The following FBF1 variants were observed in gnomAD, a reference collection of about 807,000 sequenced individuals.
FBF1 encodes Fas binding factor 1, also known as fas-binding factor 1.
FBF1 carries 119 observed loss-of-function variants against 147.2 expected under a neutral mutation model. The ratio of observed to expected loss-of-function variants is 0.81; its 90% CI spans 0.70 to 0.94. The LOEUF is 0.94. FBF1 is among the 40% of genes least tolerant of loss of function. The pLI, the probability that FBF1 is intolerant of heterozygous loss-of-function variation, is 0.00. For synonymous variants in FBF1, 601 were observed against 609.0 expected, an observed-to-expected ratio of 0.99 and a Z score of 0.19; for missense variants, 1,449 against 1,500.8, an observed-to-expected ratio of 0.97 and a Z score of 0.57.
intron 1 of FBF1, among the ~76,000 whole-genome samples, chr17:75,939,162 G>A (rs2065644048): frequency 6.6e-6 from 1 of 151,870 alleles, no homozygotes; most frequent in Non-Finnish European, 1.5e-5. Flanking sequence ...TGGGCATGGT[G>A]GCATATGCCT....
chr17:75,911,840 C>T (rs1201920543), intron 29 of FBF1, among the ~76,000 whole-genome samples: 3 of 151,952 alleles, frequency 2.0e-5, no homozygotes, highest in East Asian at 1.9e-4. Context: ...TTTGTAGAGA[C>T]GGTGTCTCAA....
In FBF1 at chr17:75,920,021, GATGAGCTCCAGGTCTGC is replaced by G; in HGVS notation, c.1900_1916del (p.Ala634ArgfsTer46). The G allele has an allele frequency of 6.2e-7, 1 of 1,606,006 alleles. No individual in the cohort carries two copies. The stretch of plus-strand genomic sequence containing the variant: ...CGCCAGGGTACCTGTGTGCACTCTC[GATGAGCTCCAGGTCTGC>G]CTGGTGCTGCTGCTGCAGACTCCCC... On this transcript the variant is annotated frameshift_variant, in exon 19 of 30. Transcript: ENST00000636174. LOFTEE classifies it high-confidence loss of function.
chr17:75,928,037 C>A lies in FBF1; in HGVS notation c.397+39G>T. 1 of 1,526,434 alleles carries A rather than the reference C, an allele frequency of 6.6e-7. No individual in the cohort carries two copies. The highest frequency in any genetic ancestry group is 9.0e-7 in the Non-Finnish European group (1 of 1,105,390). 94.6% of individuals were successfully genotyped at this position (1,526,434 alleles called of 1,614,324 possible). A position where few individuals can be genotyped will look rare whatever the true frequency, so the allele number is the denominator to read the frequency against. On this transcript the variant is annotated intron_variant, in intron 8 of 29. Transcript: ENST00000636174. The surrounding 1 kb of genome is among the most constrained non-coding windows in gnomAD (Gnocchi z 4.2). ...AAGTCTCCCTAGCAGATGCGAGGAG[C>A]CGTCTCCCATGCACCTTTCTCACTG...
chr17:75,934,939 C>A (rs2065615217), intron 4 of FBF1, among the ~76,000 whole-genome samples: 1 of 149,744 alleles, frequency 6.7e-6, no homozygotes, highest in Non-Finnish European at 1.5e-5. Context: ...AAAGTGTCCA[C>A]AATAGGCAAA....
rs2065585355 is a variant in FBF1, at chr17:75,930,051, A to T, written c.229-4T>A. 6.4e-7 allele frequency: 1 copy of T among 1,560,428 alleles called. No homozygotes were observed. Among genetic ancestry groups the T allele is most frequent in the African/African-American group, 1.4e-5 (1 of 73,388 alleles). ...CTGCCTCTGAGATACCTGAAACCTA[A>T]GTCCACAATGAGGGTGAGGACACAG... On this transcript the variant is annotated splice_region_variant and splice_polypyrimidine_tract_variant and intron_variant, in intron 6 of 29. Transcript: ENST00000636174.
At chr17:75,932,835 G>A (rs1376834505) in intron 5 of FBF1, among the ~76,000 whole-genome samples, 160 bp downstream of exon 5, 4 of 149,230 alleles carry the variant, frequency 2.7e-5, no homozygotes, top group South Asian at 4.3e-4. Flanking sequence ...GCAGTGAGCC[G>A]AGATGGTGCC....
rs915322184 is a variant in FBF1, at chr17:75,925,887, GTAT to G, written c.868+140_868+142del. 3 of 1,196,896 alleles carry G rather than the reference GTAT, an allele frequency of 2.5e-6. No individual in the cohort carries two copies. In the African/African-American group the frequency reaches 4.6e-5, roughly 18 times the overall value. The allele number at this position is 1,196,896 out of a possible 1,614,324, so 74.1% of individuals were successfully genotyped here. On this transcript the variant is annotated intron_variant, in intron 12 of 29. Transcript: ENST00000636174. The surrounding 1 kb of genome is among the most constrained non-coding windows in gnomAD (Gnocchi z 5.0). ...CACGGTAAGTATTATTTCACGGTAA[GTAT>G]TATTTTGTCTCAGCTATAGACGTGT...
At chr17:75,935,251 G>A (rs566625515) in intron 4 of FBF1, among the ~76,000 whole-genome samples, 1 of 150,476 alleles carries the variant, frequency 6.6e-6, no homozygotes, top group Non-Finnish European at 1.5e-5. Flanking sequence ...TGCAACCTCC[G>A]CCTCCTGGGT....
At chr17:75,938,802 G>A (rs964561264) in intron 1 of FBF1, among the ~76,000 whole-genome samples, 2 of 151,134 alleles carry the variant, frequency 1.3e-5, no homozygotes, top group African/African-American at 4.9e-5. Flanking sequence ...CTAGACGGAG[G>A]TTGCAGTGAG....
intron 28 of FBF1, 94 bp downstream of exon 28, chr17:75,913,608 C>T: frequency 2.1e-6 from 2 of 963,174 alleles, no homozygotes; most frequent in South Asian, 1.8e-5. Context: ...CAGCTGGCCG[C>T]CTTAACTGGA....
At chr17:75,927,084 C>T (rs534215789) in intron 9 of FBF1, among the ~76,000 whole-genome samples, 5 of 152,300 alleles carry the variant, frequency 3.3e-5, no homozygotes, top group African/African-American at 1.2e-4. Flanking sequence ...GGAGGGCGGC[C>T]CTGGACCTAC....
rs1024718195 is a variant in FBF1, at chr17:75,910,872, C to A, written c.3364-66G>T. 17 of 1,397,660 alleles carry A rather than the reference C, an allele frequency of 1.2e-5. No individual in the cohort carries two copies. In the African/African-American group the frequency reaches 2.0e-4, roughly 16 times the overall value. The allele number at this position is 1,397,660 out of a possible 1,614,324, so 86.6% of individuals were successfully genotyped here. Reference sequence around the variant, plus strand: ...TGAGAGGGAGGTGGAGCCCTGGATGCTAGCTGAGCCAGCCGTCACTGAGGC... The same window carrying A: ...TGAGAGGGAGGTGGAGCCCTGGATGATAGCTGAGCCAGCCGTCACTGAGGC... On this transcript the variant is annotated intron_variant, in intron 29 of 29. Coordinates refer to ENST00000636174, the MANE Select transcript of FBF1 (RefSeq NM_001319193.2). The surrounding 1 kb of genome is among the most constrained non-coding windows in gnomAD (Gnocchi z 4.1).
rs1189890154 is a variant in FBF1 at position 75,919,699 on chromosome 17, G to A, written c.2107C>T (p.Gln703Ter). 2 of 1,611,442 alleles carry A rather than the reference G, an allele frequency of 1.2e-6. No individual in the cohort carries two copies. Among genetic ancestry groups the A allele is most frequent in the East Asian group, 4.5e-5 (2 of 44,854 alleles). Residue 703 changes from glutamine (Q) to a stop codon, truncating the protein, a stop_gained, in exon 20 of 30, where the codon CAG (glutamine) becomes TAG (stop). Coordinates refer to ENST00000636174, the MANE Select transcript of FBF1 (RefSeq NM_001319193.2). LOFTEE classifies it high-confidence loss of function. This position sits in a 1 kb window ranked among gnomAD's most constrained non-coding sequence, Gnocchi z 5.0. ...AGCTCCCGGAGCCGCTCCATTTCCTGGTCCTTCTCCTGCGCTATGGCCGCC... is the reference window on the plus strand; with the variant it reads ...AGCTCCCGGAGCCGCTCCATTTCCTAGTCCTTCTCCTGCGCTATGGCCGCC... Reference protein sequence around the residue: ...RLAAIAQEKDQEMERLRELQR... With the variant: ...RLAAIAQEKD
intron 3 of FBF1, among the ~76,000 whole-genome samples, chr17:75,936,272 C>A (rs1254783628): frequency 1.3e-5 from 2 of 152,050 alleles, no homozygotes; most frequent in Non-Finnish European, 2.9e-5. Context: ...CGAGATCGCA[C>A]CACTGCACTC....
intron 6 of FBF1, among the ~76,000 whole-genome samples, chr17:75,930,335 A>C (rs1242368199): frequency 6.6e-6 from 1 of 152,040 alleles, no homozygotes; most frequent in Non-Finnish European, 1.5e-5. Context: ...GCTACTTCCC[A>C]CCCATGCCAA....
rs777247643 is a variant in FBF1 at position 75,929,978 on chromosome 17, G to T, written c.279+19C>A. On this transcript the variant is annotated intron_variant, in intron 7 of 29. Transcript: ENST00000636174. ...CCACCCACCCCCAGTTCTAAGAATC[G>T]TGCAAGCTGTTTCCTTACCTTCATG... The T allele has an allele frequency of 1.5e-6, 1 of 687,576 alleles. No homozygotes were observed. Among genetic ancestry groups the T allele is most frequent in the Non-Finnish European group, 2.1e-6 (1 of 470,562 alleles). 42.6% of individuals were successfully genotyped at this position (687,576 alleles called of 1,614,324 possible).
Position 75,927,656 on chromosome 17 carries a change from G to A in FBF1, c.398-124C>T. On this transcript the variant is annotated intron_variant, in intron 8 of 29. Coordinates refer to ENST00000636174, the MANE Select transcript of FBF1 (RefSeq NM_001319193.2). ...CTTCCTGGGAAGCTGGGGGCTCATG[G>A]CCATGGGCACAGCCAAGGGAGGAGT... 3 of 797,478 alleles carry A rather than the reference G, an allele frequency of 3.8e-6. No homozygotes were observed. The South Asian group carries it at 4.9e-5, about 13-fold the overall frequency. The allele number at this position is 797,478 out of a possible 1,614,324, so 49.4% of individuals were successfully genotyped here.
Position 75,913,688 on chromosome 17 carries a change from C to A in FBF1, c.3247+14G>T, listed in dbSNP as rs749574136. On this transcript the variant is annotated intron_variant, in intron 28 of 29. Transcript: ENST00000636174. ...AGTCCTGAGCCGCCGGCCCTTCCTT[C>A]TGGAGCCACTCACCACTCTGGCTGG... 1.3e-5 allele frequency: 21 copies of A among 1,579,332 alleles called. No individual in the cohort carries two copies. In the South Asian group the frequency reaches 2.4e-4, roughly 18 times the overall value.
At chr17:75,930,306 C>G (rs567462360) in intron 6 of FBF1, among the ~76,000 whole-genome samples, 1 of 152,312 alleles carries the variant, frequency 6.6e-6, no homozygotes, top group East Asian at 1.9e-4. Context: ...AGAACTCTTC[C>G]ATCCAGGACT....
Sources: gnomAD v4.1 joint callset for allele counts (sites outside exome capture counted in the v4.1 genomes callset) on GRCh38, gnomAD v4.1.1 for gene constraint, Gnocchi (gnomAD v3.1) non-coding constraint, MANE v1.5 for transcripts, NCBI Gene and HGNC (gene_info 2026-07-23, HGNC 2026-07-21) for gene names.